The following RPS6KA5 variants were observed in gnomAD, a reference collection of about 807,000 sequenced individuals.
RPS6KA5 encodes the protein ribosomal protein S6 kinase alpha-5.
In RPS6KA5, 27 loss-of-function variants were observed where a neutral mutation model predicts 85.5. The observed-to-expected ratio is 0.32, with a 90% CI of 0.23 to 0.44. RPS6KA5 has a LOEUF of 0.44. RPS6KA5 is among the 20% of genes least tolerant of loss of function. RPS6KA5 has a pLI of 1.00. For missense variants in RPS6KA5, 811 were observed against 980.9 expected, an observed-to-expected ratio of 0.83 and a Z score of 2.31; for synonymous variants, 334 against 348.2, an observed-to-expected ratio of 0.96 and a Z score of 0.46.
In RPS6KA5 at chr14:90,864,645, C is replaced by T. The variant is rs2032722812; in HGVS notation, c.*7429G>A. On this transcript the variant is annotated 3_prime_UTR_variant, in exon 17 of 17. Transcript: ENST00000614987. ...TGGTAAAATATCAGACAAAAACCCT[C>T]ATATCCATAAAATATAAAAGACTCC... 1 of 152,054 alleles carries T rather than the reference C, an allele frequency of 6.6e-6. No homozygotes were observed. The highest frequency in any genetic ancestry group is 1.9e-4 in the East Asian group (1 of 5,198). The allele number at this position is 152,054 out of a possible 1,614,324, so 9.4% of individuals were successfully genotyped here. A position where few individuals can be genotyped will look rare whatever the true frequency, so the allele number is the denominator to read the frequency against.
intron 1 of RPS6KA5, among the ~76,000 whole-genome samples, chr14:91,049,770 T>C (rs1252105588): frequency 6.6e-6 from 1 of 152,232 alleles, no homozygotes; most frequent in African/African-American, 2.4e-5. Flanking sequence ...TAGAGTTTAC[T>C]TACACAAACC....
chr14:91,004,415 G>C (rs1202860696), intron 1 of RPS6KA5, among the ~76,000 whole-genome samples: 1 of 151,992 alleles, frequency 6.6e-6, no homozygotes, highest in African/African-American at 2.4e-5. Context: ...ACTATGATAG[G>C]GTAGGATACA....
chr14:90,922,947 A>G (rs2036477248), intron 6 of RPS6KA5, among the ~76,000 whole-genome samples, 166 bp downstream of exon 6: 1 of 152,174 alleles, frequency 6.6e-6, no homozygotes, highest in African/African-American at 2.4e-5. Flanking sequence ...AAAATACTAG[A>G]TATCATAATG....
intron 3 of RPS6KA5, among the ~76,000 whole-genome samples, chr14:90,966,857 A>G (rs1318920133): frequency 2.0e-5 from 3 of 152,220 alleles, no homozygotes; most frequent in Non-Finnish European, 4.4e-5. Flanking sequence ...AAGAAATAGA[A>G]AAGAAGAGAG....
Position 90,965,691 on chromosome 14 carries a change from C to T in RPS6KA5, c.394+12615G>A, listed in dbSNP as rs542056893. ...CCAGGTGACACATTTTGTTGACACA[C>T]GAGGAAAGCTTAGCAATCTAGTATT... On this transcript the variant is annotated intron_variant, in intron 3 of 16. Coordinates refer to ENST00000614987, the MANE Select transcript of RPS6KA5 (RefSeq NM_004755.4). Among the ~76,000 whole-genome samples, 18 of 151,758 alleles carry T rather than the reference C, an allele frequency of 1.2e-4. No homozygotes were observed. In the East Asian group the frequency reaches 2.9e-3, roughly 25 times the overall value.
At chr14:91,023,082 TAAAAAAAAAA>T (rs368649949) in intron 1 of RPS6KA5, among the ~76,000 whole-genome samples, 1 of 96,470 alleles carries the variant, frequency 1.0e-5, no homozygotes, top group East Asian at 3.5e-4. Context: ...AAACTCTATC[TAAAAAAAAAA>T]AAAAAAAAAA....
intron 4 of RPS6KA5, among the ~76,000 whole-genome samples, chr14:90,947,095 G>A (rs1003405733): frequency 3.4e-4 from 52 of 152,060 alleles, no homozygotes; most frequent in Admixed American, 8.5e-4. Context: ...TTACAATGAA[G>A]GAAATACATA....
intron 5 of RPS6KA5, among the ~76,000 whole-genome samples, chr14:90,932,831 T>C (rs58213448): frequency 0.018 from 2,712 of 152,254 alleles, 74 homozygotes; most frequent in African/African-American, 0.062. Context: ...TTATAGGAGA[T>C]AGATATCTGG....
intron 1 of RPS6KA5, among the ~76,000 whole-genome samples, chr14:91,052,833 C>CAAAG: frequency 1.7e-5 from 2 of 120,230 alleles, no homozygotes; most frequent in South Asian, 5.3e-4. Context: ...ACTCCATCTC[C>CAAAG]AAAAAAAAAA....
intron 1 of RPS6KA5, among the ~76,000 whole-genome samples, chr14:91,013,567 T>C (rs767501527): frequency 2.6e-5 from 4 of 151,998 alleles, no homozygotes; most frequent in Non-Finnish European, 5.9e-5. Flanking sequence ...GACAGGCAGA[T>C]GCATGGGAAG....
chr14:91,052,359 T>C (rs1021988359), intron 1 of RPS6KA5: 2 of 393,526 alleles, frequency 5.1e-6, no homozygotes, highest in Non-Finnish European at 9.7e-6. Context: ...TCCCAGCCAC[T>C]TGGGAGGCTG....
intron 7 of RPS6KA5, among the ~76,000 whole-genome samples, chr14:90,909,864 G>A (rs1454307852): frequency 6.6e-6 from 1 of 152,072 alleles, no homozygotes; most frequent in Admixed American, 6.5e-5. Context: ...CAATTCTCCT[G>A]CCTCAGGTTC....
At chr14:91,019,019 T>C (rs977943107) in intron 1 of RPS6KA5, among the ~76,000 whole-genome samples, 3 of 152,116 alleles carry the variant, frequency 2.0e-5, no homozygotes, top group Non-Finnish European at 4.4e-5. Flanking sequence ...CCAAAGGTTT[T>C]GCACCCTCTT....
intron 3 of RPS6KA5, among the ~76,000 whole-genome samples, chr14:90,973,542 C>A (rs553617254): frequency 6.6e-6 from 1 of 151,498 alleles, no homozygotes; most frequent in African/African-American, 2.4e-5. Context: ...AAATGACATA[C>A]GTGCAAGTTA....
chr14:91,043,825 T>A (rs919004396), intron 1 of RPS6KA5, among the ~76,000 whole-genome samples: 3 of 152,218 alleles, frequency 2.0e-5, no homozygotes, highest in Admixed American at 6.5e-5. Context: ...AGCCTTTGTA[T>A]AATCTCCTCC....
At chr14:90,994,119 C>T (rs1466545764) in intron 2 of RPS6KA5, among the ~76,000 whole-genome samples, 1 of 152,124 alleles carries the variant, frequency 6.6e-6, no homozygotes, top group Non-Finnish European at 1.5e-5. Flanking sequence ...TGGGGATTCT[C>T]CCACCTCAGC....
At chr14:91,034,517 G>A (rs2042319173) in intron 1 of RPS6KA5, among the ~76,000 whole-genome samples, 1 of 152,034 alleles carries the variant, frequency 6.6e-6, no homozygotes, top group African/African-American at 2.4e-5. Flanking sequence ...TCAGCGCTCT[G>A]TGTCTAGCTA....
chr14:90,866,738 T>C lies in RPS6KA5; in HGVS notation c.*5336A>G, dbSNP rs2032817836. 6.6e-6 allele frequency: 1 copy of C among 152,220 alleles called. No homozygotes were observed. The highest frequency in any genetic ancestry group is 1.5e-5 in the Non-Finnish European group (1 of 68,036). The allele number at this position is 152,220 out of a possible 1,614,324, so 9.4% of individuals were successfully genotyped here. On this transcript the variant is annotated 3_prime_UTR_variant, in exon 17 of 17. Coordinates refer to ENST00000614987, the MANE Select transcript of RPS6KA5 (RefSeq NM_004755.4). ...GCCAGTCTTTAAAAATTCCTCTATGTGTATATGTGGTTTCTTCTTCTTTTC... is the reference window on the plus strand; with the variant it reads ...GCCAGTCTTTAAAAATTCCTCTATGCGTATATGTGGTTTCTTCTTCTTTTC...
At chr14:91,007,664 A>G (rs1274956658) in intron 1 of RPS6KA5, among the ~76,000 whole-genome samples, 1 of 151,766 alleles carries the variant, frequency 6.6e-6, no homozygotes, top group Non-Finnish European at 1.5e-5. Context: ...CAACAGTGCA[A>G]GAGGGTTCCA....
Sources: gnomAD v4.1 joint callset for allele counts (sites outside exome capture counted in the v4.1 genomes callset) on GRCh38, gnomAD v4.1.1 for gene constraint, MANE v1.5 for transcripts, NCBI Gene and HGNC (gene_info 2026-07-23, HGNC 2026-07-21) for gene names.